The following ABHD2 variants were observed in gnomAD, a reference collection of about 807,000 sequenced individuals.
ABHD2 encodes the protein abhydrolase domain containing 2, acylglycerol lipase.
A neutral mutation model predicts 48.1 loss-of-function variants in ABHD2; 20 were observed. The observed-to-expected ratio is 0.42, with a 90% CI of 0.29 to 0.60. ABHD2 has a LOEUF of 0.60. ABHD2 is among the 20% of genes least tolerant of loss of function. The pLI is 0.24. For synonymous variants in ABHD2, 209 were observed against 214.2 expected, an observed-to-expected ratio of 0.98 and a Z score of 0.21; for missense variants, 405 against 550.9, an observed-to-expected ratio of 0.74 and a Z score of 2.65.
intron 3 of ABHD2, among the ~76,000 whole-genome samples, chr15:89,145,242 T>TGA (rs541813334): frequency 6.0e-4 from 92 of 152,110 alleles, no homozygotes; most frequent in African/African-American, 2.0e-3. Flanking sequence ...GGCTACAGAG[T>TGA]GAGACTCCAT....
chr15:89,060,876 G>A, the ABHD2 span, among the ~76,000 whole-genome samples: 1 of 152,060 alleles, frequency 6.6e-6, no homozygotes, highest in African/African-American at 2.4e-5. Flanking sequence ...TATATGCAAT[G>A]TGGATCGAGA....
At chr15:89,178,328 A>G (rs888118714) in intron 6 of ABHD2, among the ~76,000 whole-genome samples, 2 of 152,190 alleles carry the variant, frequency 1.3e-5, no homozygotes, top group Non-Finnish European at 1.5e-5. Context: ...TTAAACCAGT[A>G]TAACCTTTTT....
chr15:89,059,304 T>C, the ABHD2 span, among the ~76,000 whole-genome samples: 2 of 152,166 alleles, frequency 1.3e-5, no homozygotes, highest in African/African-American at 2.4e-5. Flanking sequence ...AAATGTTCGC[T>C]GTGGCTAGAC....
At position 89,176,129 on chromosome 15, in the gene ABHD2, C is replaced by T. The variant is rs1292083176; in HGVS notation, c.722+134C>T. 3 of 979,186 alleles carry T rather than the reference C, an allele frequency of 3.1e-6. No homozygotes were observed. Among genetic ancestry groups the T allele is most frequent in the African/African-American group, 1.7e-5 (1 of 60,536 alleles). 60.7% of individuals were successfully genotyped at this position (979,186 alleles called of 1,614,324 possible). ...TGAGTAGAAGTTTCTGAGTCTTGGA[C>T]TCACCTTGTTTTGTCTGCATATCAT... On this transcript the variant is annotated intron_variant, in intron 6 of 10. Coordinates refer to ENST00000352732, the MANE Select transcript of ABHD2 (RefSeq NM_152924.5). The surrounding 1 kb of genome is among the most constrained non-coding windows in gnomAD (Gnocchi z 4.5).
At chr15:89,054,694 GA>G in the ABHD2 span, among the ~76,000 whole-genome samples, 5 of 144,264 alleles carry the variant, frequency 3.5e-5, no homozygotes, top group South Asian at 2.2e-4. Flanking sequence ...AAAGAAAAAA[GA>G]AAAAAAAAAG....
chr15:89,052,246 A>G, the ABHD2 span, among the ~76,000 whole-genome samples: 1 of 152,172 alleles, frequency 6.6e-6, no homozygotes, highest in African/African-American at 2.4e-5. Flanking sequence ...TGTCTTGGGT[A>G]TGGAATGGTT....
At chr15:89,077,322 T>C in the ABHD2 span, among the ~76,000 whole-genome samples, 5 of 152,274 alleles carry the variant, frequency 3.3e-5, no homozygotes, top group Admixed American at 3.3e-4. Flanking sequence ...GATTTGTTCA[T>C]TCCCAATGCT....
At chr15:89,127,906 C>T (rs1261508479) in intron 3 of ABHD2, among the ~76,000 whole-genome samples, 1 of 152,016 alleles carries the variant, frequency 6.6e-6, no homozygotes, top group East Asian at 1.9e-4. Context: ...CAAATCGTAG[C>T]TCTTCTAGTA....
In ABHD2 at chr15:89,100,406, G is replaced by A. The variant is rs896895896; in HGVS notation, c.-107+11843G>A. Among the ~76,000 whole-genome samples the A allele has an allele frequency of 2.0e-5, 3 of 151,562 alleles. No homozygotes were observed. The highest frequency in any genetic ancestry group is 4.4e-5 in the Non-Finnish European group (3 of 67,958). Reference sequence around the variant, plus strand: ...GCTCAAGTGATCCTCCCACTTGCCCGAAGCCACACAACTAGTAAGTAGTGT... The same window carrying A: ...GCTCAAGTGATCCTCCCACTTGCCCAAAGCCACACAACTAGTAAGTAGTGT... On this transcript the variant is annotated intron_variant, in intron 1 of 10. Coordinates refer to ENST00000352732, the MANE Select transcript of ABHD2 (RefSeq NM_152924.5). The surrounding 1 kb of genome is among the most constrained non-coding windows in gnomAD (Gnocchi z 4.4).
intron 5 of ABHD2, among the ~76,000 whole-genome samples, chr15:89,161,842 G>C (rs1284067069): frequency 6.6e-6 from 1 of 152,208 alleles, no homozygotes; most frequent in South Asian, 2.1e-4. Flanking sequence ...ACCACAGTGG[G>C]CGTGGCTTAT....
intron 3 of ABHD2, among the ~76,000 whole-genome samples, chr15:89,148,217 T>A (rs2050530464): frequency 6.6e-6 from 1 of 151,666 alleles, no homozygotes; most frequent in South Asian, 2.1e-4. Context: ...TGGCTTAATG[T>A]AGGGATAATA....
intron 5 of ABHD2, among the ~76,000 whole-genome samples, chr15:89,158,708 G>A (rs1193596836): frequency 1.3e-5 from 2 of 151,976 alleles, no homozygotes; most frequent in Admixed American, 1.3e-4. Context: ...CATTCTTTTT[G>A]TTTTGTTTTG....
Position 89,146,355 on chromosome 15 carries a change from CGTGTGTGTGTGT to C in ABHD2, c.195-5289_195-5278del, listed in dbSNP as rs4032279. On this transcript the variant is annotated intron_variant, in intron 3 of 10. Transcript: ENST00000352732. This position sits in a 1 kb window ranked among gnomAD's most constrained non-coding sequence, Gnocchi z 4.2. ...TGAGCTTCATCTGCTCAAAGACGTACGTGTGTGTGTGTGTGTGTGTGTGTGTGTGTGTGTGTG... is the reference window on the plus strand; with the variant it reads ...TGAGCTTCATCTGCTCAAAGACGTACGTGTGTGTGTGTGTGTGTGTGTGTG... Among the ~76,000 whole-genome samples the C allele has an allele frequency of 9.7e-4, 118 of 121,650 alleles. 1 individual carries two copies. In the Middle Eastern group the frequency reaches 0.012, roughly 13 times the overall value. The allele number at this position is 121,650 out of a possible 152,430, so 79.8% of individuals were successfully genotyped here.
chr15:89,076,294 G>T, the ABHD2 span, among the ~76,000 whole-genome samples: 6 of 152,116 alleles, frequency 3.9e-5, no homozygotes, highest in Admixed American at 6.5e-5. Context: ...TCAATCCATG[G>T]CCAATCTTTC....
chr15:89,107,598 C>A (rs1023354924), intron 1 of ABHD2, among the ~76,000 whole-genome samples: 2 of 152,130 alleles, frequency 1.3e-5, no homozygotes, highest in Non-Finnish European at 2.9e-5. Context: ...TTTTAAAATG[C>A]TCTTTATGTA....
the ABHD2 span, among the ~76,000 whole-genome samples, chr15:89,065,197 T>C: frequency 2.0e-5 from 3 of 152,236 alleles, no homozygotes; most frequent in Middle Eastern, 3.4e-3. Context: ...ATTCTCCACC[T>C]CCTCCTTCAA....
rs3192916 is a variant in ABHD2, at chr15:89,195,436, C to G, written c.*13C>G. 1.2e-6 allele frequency: 2 copies of G among 1,611,238 alleles called. No individual in the cohort carries two copies. The highest frequency in any genetic ancestry group is 2.2e-5 in the South Asian group (2 of 90,890). On this transcript the variant is annotated 3_prime_UTR_variant, in exon 11 of 11. Transcript: ENST00000352732. The surrounding 1 kb of genome is among the most constrained non-coding windows in gnomAD (Gnocchi z 5.1). ...CGACCTGGAGTGAGGCCTCCGGACT[C>G]TGGCACGCTCCAGCAGCCCTCCTCT...
the ABHD2 span, among the ~76,000 whole-genome samples, chr15:89,065,796 A>G: frequency 6.6e-6 from 1 of 152,088 alleles, no homozygotes; most frequent in African/African-American, 2.4e-5. Context: ...AAATAACAGC[A>G]CTCTGCTTGC....
chr15:89,057,156 C>T, the ABHD2 span, among the ~76,000 whole-genome samples: 1 of 152,016 alleles, frequency 6.6e-6, no homozygotes, highest in Non-Finnish European at 1.5e-5. Context: ...TCAGGTGATC[C>T]GCCTGCGTCA....
Sources: allele counts gnomAD v4.1 joint callset (sites outside exome capture counted in the v4.1 genomes callset), GRCh38; gene constraint gnomAD v4.1.1; non-coding constraint Gnocchi (gnomAD v3.1); transcripts MANE v1.5; gene names NCBI Gene and HGNC (gene_info 2026-07-23, HGNC 2026-07-21).